The following ASMTL variants were observed in gnomAD, a reference collection of about 807,000 sequenced individuals.
The protein encoded by ASMTL is acetylserotonin O-methyltransferase like.
In ASMTL, 57 loss-of-function variants were observed where a neutral mutation model predicts 60.3. That is an observed-to-expected ratio of 0.95 (90% confidence interval 0.76 to 1.18). ASMTL has a LOEUF of 1.18. Among genes scored for constraint, ASMTL ranks in the 50% most tolerant of loss-of-function variants. The pLI, the probability that ASMTL is intolerant of heterozygous loss-of-function variation, is 0.00. For synonymous variants in ASMTL, 419 were observed against 373.0 expected (o/e 1.12, Z -1.42); for missense variants, 981 against 852.6 (o/e 1.15, Z -1.88).
chrX:1,452,661 T>C (rs1293490863), intron 1 of ASMTL, 87 bp downstream of exon 1: 4 of 1,120,978 alleles, frequency 3.6e-6, no homozygotes, highest in Non-Finnish European at 5.1e-6. Flanking sequence ...CTCCCATCCC[T>C]ATCCCTAGAG....
intron 1 of ASMTL, among the ~76,000 whole-genome samples, chrX:1,447,601 T>C (rs1359548346): frequency 6.6e-6 from 1 of 151,140 alleles, no homozygotes; most frequent in Non-Finnish European, 1.5e-5. Flanking sequence ...CACACCATCT[T>C]GGACACACAC....
Position 1,447,474 on chromosome X carries a change from T to G in ASMTL, c.94-5157A>C, listed in dbSNP as rs764516102. On this transcript the variant is annotated intron_variant, in intron 1 of 12. Coordinates refer to ENST00000381317, the MANE Select transcript of ASMTL (RefSeq NM_004192.4). ...CCATCTTGGACACACACGGCCATGT[T>G]GGAGAAGCACCACCATCTTGGACAC... Among the ~76,000 whole-genome samples, 12 of 151,904 alleles carry G rather than the reference T, an allele frequency of 7.9e-5. No homozygotes were observed. The South Asian group carries it at 2.5e-3, about 32-fold the overall frequency.
upstream of ASMTL, among the ~76,000 whole-genome samples, chrX:1,453,418 C>T (rs1272869082): frequency 6.6e-6 from 1 of 151,922 alleles, no homozygotes; most frequent in Non-Finnish European, 1.5e-5. Context: ...GGGCCCCGTC[C>T]CCGCCCCCGG....
chrX:1,411,528 C>T (rs1243598538), intron 12 of ASMTL, among the ~76,000 whole-genome samples: 6 of 149,732 alleles, frequency 4.0e-5, no homozygotes, highest in African/African-American at 1.5e-4. Context: ...CCTGGGTGGA[C>T]GGGGGAGAAA....
intron 12 of ASMTL, 46 bp from the exon 13 acceptor site, chrX:1,403,535 GA>G: frequency 1.3e-6 from 2 of 1,571,250 alleles, no homozygotes; most frequent in Non-Finnish European, 1.7e-6. Context: ...GCCAGGCGGG[GA>G]TCCTTCAGCA....
chrX:1,432,335 G>A lies in ASMTL; in HGVS notation c.443C>T (p.Thr148Met). 3 of 1,613,280 alleles carry A rather than the reference G, an allele frequency of 1.9e-6. No homozygotes were observed. The highest frequency in any genetic ancestry group is 1.7e-6 in the Non-Finnish European group (2 of 1,179,772). The change falls in exon 6 of 13, where the codon ACG becomes ATG. Residue 148 changes from threonine (T) to methionine (M), a missense_variant. Transcript: ENST00000381317. ...GGACAGCTCCGAGAACTTCACCTTC[G>A]TTTCCTCGTAGAATTCCGAGACCCT... ...DTRVSEFYEE[T>M]KVKFSELSEE...
At chrX:1,425,449 C>A in intron 8 of ASMTL, 76 bp downstream of exon 8, 1 of 1,539,330 alleles carries the variant, frequency 6.5e-7, no homozygotes. Context: ...TCGCTCTGCC[C>A]AGGCTCCAGG....
At chrX:1,443,931 C>T (rs1423774215) in intron 1 of ASMTL, among the ~76,000 whole-genome samples, 5 of 152,236 alleles carry the variant, frequency 3.3e-5, no homozygotes, top group Non-Finnish European at 7.3e-5. Flanking sequence ...GGACAGACAC[C>T]CCCGTCTTGG....
chrX:1,413,411 C>T (rs1471721107), intron 11 of ASMTL, among the ~76,000 whole-genome samples: 7 of 152,282 alleles, frequency 4.6e-5, no homozygotes, highest in East Asian at 1.9e-4. Flanking sequence ...GCAGAGTCGG[C>T]GCACATGGGC....
At chrX:1,416,814 T>C (rs1569532198) in intron 11 of ASMTL, among the ~76,000 whole-genome samples, 2 of 141,804 alleles carry the variant, frequency 1.4e-5, no homozygotes, top group East Asian at 4.4e-4. Context: ...ACACACACCA[T>C]GCACACAGAT....
chrX:1,415,878 C>G (rs1448399462), intron 11 of ASMTL, among the ~76,000 whole-genome samples: 1 of 151,594 alleles, frequency 6.6e-6, no homozygotes, highest in African/African-American at 2.4e-5. Context: ...ATATACCCAT[C>G]CAGATGCACA....
chrX:1,442,864 C>T (rs1436505939), intron 1 of ASMTL, among the ~76,000 whole-genome samples: 5 of 152,270 alleles, frequency 3.3e-5, no homozygotes, highest in Non-Finnish European at 7.4e-5. Flanking sequence ...CTGCAGAGAC[C>T]GTGGGGTCAG....
Position 1,417,071 on chromosome X carries a change from C to T in ASMTL, c.1522+902G>A, listed in dbSNP as rs758044510. On this transcript the variant is annotated intron_variant, in intron 11 of 12. Coordinates refer to ENST00000381317, the MANE Select transcript of ASMTL (RefSeq NM_004192.4). Reference sequence around the variant, plus strand: ...GCAGATGCTCACATATCCACACAGACACACACCATGCACATAGATGCAGAC... The same window carrying T: ...GCAGATGCTCACATATCCACACAGATACACACCATGCACATAGATGCAGAC... Among the ~76,000 whole-genome samples, 11 of 151,874 alleles carry T rather than the reference C, an allele frequency of 7.2e-5. No homozygotes were observed. The East Asian group carries it at 1.9e-3, about 27-fold the overall frequency.
upstream of ASMTL, chrX:1,453,703 C>G (rs1375697516): frequency 6.7e-6 from 1 of 149,392 alleles, no homozygotes; most frequent in Non-Finnish European, 1.5e-5. Flanking sequence ...CCCCGCGGAC[C>G]CGGTGCGAGT....
intron 8 of ASMTL, among the ~76,000 whole-genome samples, chrX:1,422,414 G>C (rs2090505242): frequency 6.6e-6 from 1 of 152,100 alleles, no homozygotes. Context: ...GGACTTGCCA[G>C]CCTACACAAT....
At chrX:1,453,721 G>A (rs1223602906), upstream of ASMTL, 4 of 148,102 alleles carry the variant, frequency 2.7e-5, no homozygotes, top group South Asian at 1.7e-4. Context: ...AGTGGCGTGG[G>A]GATGGGGATG....
At chrX:1,439,393 AC>A (rs1167846617) in intron 2 of ASMTL, among the ~76,000 whole-genome samples, 1 of 152,218 alleles carries the variant, frequency 6.6e-6, no homozygotes, top group Admixed American at 6.5e-5. Flanking sequence ...TCAGGCACTC[AC>A]GGAGCATCTC....
At chrX:1,408,288 G>C (rs71236340) in intron 12 of ASMTL, among the ~76,000 whole-genome samples, 2 of 46,964 alleles carry the variant, frequency 4.3e-5, no homozygotes, top group Non-Finnish European at 7.8e-5. Context: ...CCAAATGCTG[G>C]TACTCCCAAA....
Position 1,404,480 on chromosome X carries a change from G to A in ASMTL, c.1646-991C>T, listed in dbSNP as rs1419273856. Among the ~76,000 whole-genome samples the A allele has an allele frequency of 6.7e-5, 10 of 149,532 alleles. 1 individual carries two copies. Among genetic ancestry groups the A allele is most frequent in the East Asian group, 6.1e-4 (3 of 4,910 alleles). ...TGGGTAGGTAGGTAGATAGATGGAT[G>A]TATAGATGGATGGATGGATGGGTGA... On this transcript the variant is annotated intron_variant, in intron 12 of 12. Transcript: ENST00000381317.
Sources: gnomAD v4.1 joint callset for allele counts (sites outside exome capture counted in the v4.1 genomes callset) on GRCh38, gnomAD v4.1.1 for gene constraint, MANE v1.5 for transcripts, NCBI Gene and HGNC (gene_info 2026-07-23, HGNC 2026-07-21) for gene names.